Variants in TEX9 observed in about 807,000 individuals in gnomAD.
The protein encoded by TEX9 is testis expressed 9, also known as testis-expressed protein 9.
Under a neutral mutation model 59.6 loss-of-function variants are expected in TEX9, and 74 were observed. That is an observed-to-expected ratio of 1.24 (90% confidence interval 1.03 to 1.51). The LOEUF is 1.51. Among genes scored for constraint, TEX9 ranks in the 40% most tolerant of loss-of-function variants. The pLI is 0.00. For missense variants in TEX9, 522 were observed against 447.8 expected, an observed-to-expected ratio of 1.17 and a Z score of -1.49; for synonymous variants, 186 against 152.2, an observed-to-expected ratio of 1.22 and a Z score of -1.64.
chr15:56,339,383 CAAAAAAAAAAAAAAAAAAAA>C (rs71456382), intron 1 of TEX9, among the ~76,000 whole-genome samples: 1 of 30,770 alleles, frequency 3.2e-5, no homozygotes, highest in Admixed American at 6.1e-4. Context: ...ACTCCTTCTC[CAAAAAAAAAAAAAAAAAAAA>C]AAAAAAAAAA....
chr15:56,435,509 A>T (rs2050707193), intron 12 of TEX9, among the ~76,000 whole-genome samples: 1 of 152,066 alleles, frequency 6.6e-6, no homozygotes, highest in Admixed American at 6.6e-5. Context: ...GACCCTACAG[A>T]CATCAAAAGG....
downstream of TEX9, among the ~76,000 whole-genome samples, chr15:56,448,416 G>C (rs1317470935): frequency 2.0e-5 from 3 of 152,128 alleles, no homozygotes; most frequent in African/African-American, 7.2e-5. Context: ...AGTTCACAGT[G>C]TCTGTTGTTC....
At chr15:56,387,896 T>C (rs1294871537) in intron 4 of TEX9, among the ~76,000 whole-genome samples, 5 of 152,014 alleles carry the variant, frequency 3.3e-5, no homozygotes, top group African/African-American at 1.2e-4. Context: ...ACTACAAATA[T>C]ATTTTGAAAA....
intron 1 of TEX9, among the ~76,000 whole-genome samples, chr15:56,255,444 C>T (rs1340288667): frequency 4.0e-5 from 6 of 151,810 alleles, no homozygotes; most frequent in Non-Finnish European, 8.8e-5. Flanking sequence ...ATCAGTGATT[C>T]CAGTACATGA....
intron 1 of TEX9, among the ~76,000 whole-genome samples, chr15:56,271,623 T>C (rs1404293943): frequency 6.6e-6 from 1 of 152,146 alleles, no homozygotes; most frequent in Non-Finnish European, 1.5e-5. Context: ...TCCCAGGAAA[T>C]GTTCCTATAT....
At chr15:56,272,237 C>T (rs1423476096) in intron 1 of TEX9, among the ~76,000 whole-genome samples, 4 of 152,146 alleles carry the variant, frequency 2.6e-5, no homozygotes, top group Non-Finnish European at 5.9e-5. Flanking sequence ...TTTCCATCGC[C>T]CCAAGAAGAA....
upstream of TEX9, among the ~76,000 whole-genome samples, chr15:56,362,934 T>A (rs1367663395): frequency 6.6e-6 from 1 of 152,248 alleles, no homozygotes; most frequent in Non-Finnish European, 1.5e-5. Flanking sequence ...CTTCATTCTT[T>A]CTCATTTCTG....
chr15:56,432,617 A>G (rs1016072354), intron 12 of TEX9, among the ~76,000 whole-genome samples: 12 of 152,222 alleles, frequency 7.9e-5, no homozygotes, highest in African/African-American at 2.9e-4. Flanking sequence ...AATTATTTGT[A>G]TAAGTATCTA....
intron 1 of TEX9, among the ~76,000 whole-genome samples, chr15:56,272,037 G>T (rs537843067): frequency 6.6e-6 from 1 of 152,036 alleles, no homozygotes; most frequent in African/African-American, 2.4e-5. Context: ...GCAGCTACTC[G>T]GGAGGCTGAG....
intron 1 of TEX9, among the ~76,000 whole-genome samples, chr15:56,266,065 T>A (rs982786248): frequency 1.3e-5 from 2 of 152,192 alleles, no homozygotes; most frequent in Admixed American, 6.5e-5. Flanking sequence ...TTTTGTTAGA[T>A]GTGTGATTAT....
At position 56,371,974 on chromosome 15, in the gene TEX9, C is replaced by G. The variant is rs143433517; in HGVS notation, c.120-1467C>G. Among the ~76,000 whole-genome samples, 1,240 of 152,270 alleles carry G rather than the reference C, an allele frequency of 8.1e-3. 11 individuals are homozygous for G. The highest frequency in any genetic ancestry group is 0.011 in the Non-Finnish European group (726 of 68,018). ...CTTTTAAGCTATTTTGGCTTCTGTT[C>G]CTGTTTGTTGCTCTCACTTTGAATT... On this transcript the variant is annotated intron_variant, in intron 2 of 12. Transcript: ENST00000352903.
At chr15:56,438,635 T>C (rs1453591124) in intron 12 of TEX9, among the ~76,000 whole-genome samples, 2 of 152,114 alleles carry the variant, frequency 1.3e-5, no homozygotes, top group African/African-American at 2.4e-5. Context: ...AAAGCCAAAA[T>C]TGACAAATGG....
intron 1 of TEX9, among the ~76,000 whole-genome samples, chr15:56,339,137 C>T (rs1231834311): frequency 6.6e-6 from 1 of 151,556 alleles, no homozygotes; most frequent in Admixed American, 6.6e-5. Context: ...AATCCCAGCA[C>T]TTTGAGGGGC....
At chr15:56,443,175 G>A (rs755856898) in intron 12 of TEX9, among the ~76,000 whole-genome samples, 1 of 152,106 alleles carries the variant, frequency 6.6e-6, no homozygotes, top group East Asian at 1.9e-4. Flanking sequence ...TGCTTTTAAA[G>A]TATGTATCTT....
At chr15:56,287,181 AGGT>A (rs1295990345) in intron 1 of TEX9, among the ~76,000 whole-genome samples, 1 of 152,182 alleles carries the variant, frequency 6.6e-6, no homozygotes, top group African/African-American at 2.4e-5. Flanking sequence ...TTAAACTTCA[AGGT>A]GGATGGATGC....
chr15:56,367,132 G>A (rs1442809946), intron 2 of TEX9, among the ~76,000 whole-genome samples: 1 of 151,962 alleles, frequency 6.6e-6, no homozygotes, highest in Non-Finnish European at 1.5e-5. Flanking sequence ...AAATATACAG[G>A]GACTATTATT....
chr15:56,388,984 G>A (rs947978192), intron 5 of TEX9, among the ~76,000 whole-genome samples: 2 of 151,944 alleles, frequency 1.3e-5, no homozygotes, highest in Non-Finnish European at 1.5e-5. Context: ...TGAAGGCCAC[G>A]GGAGGTCTGC....
intron 1 of TEX9, among the ~76,000 whole-genome samples, chr15:56,307,291 C>T (rs557984053): frequency 3.4e-4 from 52 of 152,314 alleles, no homozygotes; most frequent in African/African-American, 1.3e-3. Context: ...GTCTAAACAG[C>T]CTCTAGCGAG....
chr15:56,361,109 C>T (rs1028883234), upstream of TEX9, among the ~76,000 whole-genome samples: 2 of 152,170 alleles, frequency 1.3e-5, no homozygotes, highest in African/African-American at 4.8e-5. Context: ...GAACAGGTTA[C>T]TTGGATCTTC....
Sources: gnomAD v4.1 joint callset for allele counts (sites outside exome capture counted in the v4.1 genomes callset) on GRCh38, gnomAD v4.1.1 for gene constraint, MANE v1.5 for transcripts, NCBI Gene and HGNC (gene_info 2026-07-23, HGNC 2026-07-21) for gene names.